The following HEATR5A variants were observed in gnomAD, a reference collection of about 807,000 sequenced individuals.
The protein encoded by HEATR5A is HEAT repeat containing 5A, also known as HEAT repeat-containing protein 5A.
In HEATR5A, 178 loss-of-function variants were observed where a neutral mutation model predicts 218.8. The ratio of observed to expected loss-of-function variants is 0.81; its 90% CI spans 0.72 to 0.92. HEATR5A has a LOEUF of 0.92. HEATR5A is among the 40% of genes least tolerant of loss of function. HEATR5A has a pLI of 0.00. For missense variants in HEATR5A, 2,420 were observed against 2,418.9 expected, an observed-to-expected ratio of 1.00 and a Z score of -0.01; for synonymous variants, 864 against 871.6, an observed-to-expected ratio of 0.99 and a Z score of 0.15.
chr14:31,339,449 CAAAAAAAAAAAA>C (rs55998911), intron 21 of HEATR5A, among the ~76,000 whole-genome samples: 1 of 67,430 alleles, frequency 1.5e-5, no homozygotes, highest in Admixed American at 2.2e-4. Context: ...AACTGTGTCT[CAAAAAAAAAAAA>C]AAAAAAAAAA....
At chr14:31,306,131 A>G (rs1279048225) in intron 31 of HEATR5A, among the ~76,000 whole-genome samples, 1 of 152,168 alleles carries the variant, frequency 6.6e-6, no homozygotes, top group African/African-American at 2.4e-5. Flanking sequence ...GAGAATAGTA[A>G]TTTAACTACT....
rs1378201321 is a variant in HEATR5A at position 31,387,374 on chromosome 14, G to A, written c.935C>T (p.Ala312Val). The A allele has an allele frequency of 1.9e-6, 3 of 1,604,858 alleles. No homozygotes were observed. The highest frequency in any genetic ancestry group is 2.2e-5 in the South Asian group (2 of 90,350). ...TAGTGTTGAAACAAATACCACATAA[G>A]CCTAAAAAGGAAAAGAGTTTTATTT... ...SRDVRVGVTQ[A>V]YVVFVSTLGG... Residue 312 changes from alanine to valine, a missense_variant and splice_region_variant, in exon 8 of 36, where the codon GCT becomes GTT. Coordinates refer to ENST00000543095, the MANE Select transcript of HEATR5A (RefSeq NM_015473.4).
chr14:31,350,643 T>G lies in HEATR5A; in HGVS notation c.2486A>C (p.His829Pro). ...KGARQQVVQL[H>P]VVSSVSSFLK... ...GAAACTAGAAACTGAAGAAACAACA[T>G]GTAACTGAACCACTTGCTGACGAGC... is the stretch of plus-strand genomic sequence containing the variant. Residue 829 changes from histidine to proline, a missense_variant, in exon 17 of 36, where the codon CAT (histidine) becomes CCT (proline). Transcript: ENST00000543095. The G allele has an allele frequency of 6.3e-7, 1 of 1,598,878 alleles. No individual in the cohort carries two copies. Among genetic ancestry groups the G allele is most frequent in the Non-Finnish European group, 8.5e-7 (1 of 1,170,370 alleles).
chr14:31,380,487 A>G lies in HEATR5A; in HGVS notation c.1688T>C (p.Ile563Thr). Residue 563 changes from isoleucine (I) to threonine (T), a missense_variant, in exon 11 of 36, where the codon ATT becomes ACT. Coordinates refer to ENST00000543095, the MANE Select transcript of HEATR5A (RefSeq NM_015473.4). Reference protein sequence around the residue: ...AQRTQAGWLLISALMTLGPAV... With the variant: ...AQRTQAGWLLTSALMTLGPAV... ...GTTACCTAATGTCATCAGAGCAGAAATCAGCAACCATCCAGCTTGTGTGCG... is the reference window on the plus strand; with the variant it reads ...GTTACCTAATGTCATCAGAGCAGAAGTCAGCAACCATCCAGCTTGTGTGCG... The G allele has an allele frequency of 6.2e-7, 1 of 1,607,016 alleles. No individual in the cohort carries two copies. Among genetic ancestry groups the G allele is most frequent in the Non-Finnish European group, 8.5e-7 (1 of 1,176,524 alleles).
At chr14:31,352,718 G>T (rs1901275682) in intron 16 of HEATR5A, among the ~76,000 whole-genome samples, 1 of 152,130 alleles carries the variant, frequency 6.6e-6, no homozygotes, top group Admixed American at 6.5e-5. Context: ...AGCACTTTAG[G>T]AAGCCAAGGT....
chr14:31,324,145 A>G (rs1350127017), intron 23 of HEATR5A, among the ~76,000 whole-genome samples: 1 of 152,218 alleles, frequency 6.6e-6, no homozygotes, highest in East Asian at 1.9e-4. Context: ...CTGCAAGTAG[A>G]TGGATGTACT....
At chr14:31,325,687 A>AT (rs957326158) in intron 23 of HEATR5A, among the ~76,000 whole-genome samples, 152 of 151,214 alleles carry the variant, frequency 1.0e-3, no homozygotes, top group Middle Eastern at 3.4e-3. Context: ...TAAAAAAAAA[A>AT]TTTTTTTTTG....
chr14:31,322,732 T>A (rs1177393807), intron 24 of HEATR5A, among the ~76,000 whole-genome samples: 1 of 151,622 alleles, frequency 6.6e-6, no homozygotes, highest in African/African-American at 2.4e-5. Flanking sequence ...GGTGGGAGGA[T>A]TGCTTGAGCC....
At position 31,394,054 on chromosome 14, in the gene HEATR5A, G is replaced by A; in HGVS notation, c.770C>T (p.Thr257Ile). The A allele has an allele frequency of 6.6e-7, 1 of 1,510,902 alleles. No homozygotes were observed. Among genetic ancestry groups the A allele is most frequent in the Non-Finnish European group, 8.8e-7 (1 of 1,131,790 alleles). 93.6% of individuals were successfully genotyped at this position (1,510,902 alleles called of 1,614,324 possible). The change falls in exon 6 of 36, where the codon ACA (threonine) becomes ATA (isoleucine). Residue 257 changes from threonine (T) to isoleucine (I), a missense_variant and splice_region_variant. Physicochemically the swap from Thr to Ile is moderately conservative, Grantham distance 89. Coordinates refer to ENST00000543095, the MANE Select transcript of HEATR5A (RefSeq NM_015473.4). ...AKAVISKHPGTAASRQSIRRV... is the reference protein window; with the variant it reads ...AKAVISKHPGIAASRQSIRRV... ...TGAAAATAATTACATGTATTTACCT[G>A]TTCCTGGATGTTTAGAAATTACAGC...
rs1472263943 is a variant in HEATR5A, at chr14:31,347,822, A to C, written c.2794T>G (p.Ser932Ala). 1 of 1,607,550 alleles carries C rather than the reference A, an allele frequency of 6.2e-7. No individual in the cohort carries two copies. Among genetic ancestry groups the C allele is most frequent in the African/African-American group, 1.3e-5 (1 of 74,828 alleles). Reference sequence around the variant, plus strand: ...ATACAAGAATTTAGGTGTTGAGAAGAACTTATTCCTCCTAAATACCTATGT... The same window carrying C: ...ATACAAGAATTTAGGTGTTGAGAAGCACTTATTCCTCCTAAATACCTATGT... The part of the protein sequence containing the change: ...SLHRYLGGIS[S>A]SQHLNSCIGI... Residue 932 changes from serine (S) to alanine (A), a missense_variant, in exon 19 of 36, where the codon TCT becomes GCT. Coordinates refer to ENST00000543095, the MANE Select transcript of HEATR5A (RefSeq NM_015473.4).
intron 30 of HEATR5A, 71 bp from the exon 31 acceptor site, chr14:31,306,950 T>G (rs964420526): frequency 8.1e-7 from 1 of 1,240,620 alleles, no homozygotes; most frequent in African/African-American, 1.5e-5. Context: ...ATACCAATGC[T>G]AAATGCCATG....
chr14:31,337,626 CATTTGAGGAACG>C lies in HEATR5A; in HGVS notation c.3229-24_3229-13del, dbSNP rs1900710371. 1.9e-5 allele frequency: 31 copies of C among 1,594,992 alleles called. No homozygotes were observed. Among genetic ancestry groups the C allele is most frequent in the Non-Finnish European group, 2.5e-5 (29 of 1,169,810 alleles). ...CTACAAAGATTCACCTGAAAAATAC[CATTTGAGGAACG>C]ACAGAGCTAAAATTCTTGTTGGCAC... is the stretch of plus-strand genomic sequence containing the variant. On this transcript the variant is annotated splice_polypyrimidine_tract_variant and intron_variant, in intron 21 of 35. Coordinates refer to ENST00000543095, the MANE Select transcript of HEATR5A (RefSeq NM_015473.4).
intron 17 of HEATR5A, 137 bp downstream of exon 17, chr14:31,350,475 G>A (rs1901181764): frequency 3.3e-6 from 2 of 608,520 alleles, no homozygotes; most frequent in African/African-American, 1.9e-5. Flanking sequence ...TCCAAATCCT[G>A]AAAACTTTTC....
chr14:31,366,127 G>C (rs536635088), intron 13 of HEATR5A, among the ~76,000 whole-genome samples: 1 of 152,252 alleles, frequency 6.6e-6, no homozygotes, highest in South Asian at 2.1e-4. Flanking sequence ...ACCTGGGTAA[G>C]GCCAGGCATG....
At chr14:31,402,595 T>C (rs199805804) in intron 2 of HEATR5A, among the ~76,000 whole-genome samples, 1 of 152,212 alleles carries the variant, frequency 6.6e-6, no homozygotes, top group East Asian at 1.9e-4. Context: ...TAGTTGTAGT[T>C]GGTGTTTCAT....
Position 31,371,092 on chromosome 14 carries a change from A to ACATTCATTCATT in HEATR5A, c.1961+706_1961+717dup, listed in dbSNP as rs373966140. Among the ~76,000 whole-genome samples the ACATTCATTCATT allele has an allele frequency of 3.0e-4, 45 of 152,290 alleles. No individual in the cohort carries two copies. The East Asian group carries it at 7.5e-3, about 25-fold the overall frequency. On this transcript the variant is annotated intron_variant, in intron 13 of 35. Transcript: ENST00000543095. ...AATAAAGTTATATTGGAACACAGCC[A>ACATTCATTCATT]CATTCATTCATTCATTCATTCATTC...
At position 31,308,605 on chromosome 14, in the gene HEATR5A, C is replaced by T. The variant is rs540040517; in HGVS notation, c.4690+329G>A. On this transcript the variant is annotated intron_variant, in intron 29 of 35. Coordinates refer to ENST00000543095, the MANE Select transcript of HEATR5A (RefSeq NM_015473.4). ...TGCAAAAATTACAATAAAATTGCACCGGAAAACATATGGAGTTTCATAACT... is the reference window on the plus strand; with the variant it reads ...TGCAAAAATTACAATAAAATTGCACTGGAAAACATATGGAGTTTCATAACT... Among the ~76,000 whole-genome samples the T allele has an allele frequency of 7.9e-5, 12 of 151,586 alleles. No individual in the cohort carries two copies. In the South Asian group the frequency reaches 1.9e-3, roughly 24 times the overall value.
At chr14:31,318,344 G>T in intron 25 of HEATR5A, 52 bp from the exon 26 acceptor site, 2 of 1,334,592 alleles carry the variant, frequency 1.5e-6, no homozygotes, top group Non-Finnish European at 2.2e-6. Flanking sequence ...GACAGCACAA[G>T]TTCTCCCTCT....
At position 31,306,687 on chromosome 14, in the gene HEATR5A, GAAT is replaced by G. The variant is rs772092057; in HGVS notation, c.4966+42_4966+44del. On this transcript the variant is annotated intron_variant, in intron 31 of 35. Coordinates refer to ENST00000543095, the MANE Select transcript of HEATR5A (RefSeq NM_015473.4). ...ATACATTAAATAATACTTTACAAAA[GAAT>G]GATGCTATTTGATCAACTCGGCATT... 3.6e-5 allele frequency: 56 copies of G among 1,548,394 alleles called. No homozygotes were observed. In the Admixed American group the frequency reaches 3.8e-4, roughly 11 times the overall value.
Sources: gnomAD v4.1 joint callset for allele counts (sites outside exome capture counted in the v4.1 genomes callset) on GRCh38, gnomAD v4.1.1 for gene constraint, MANE v1.5 for transcripts, NCBI Gene and HGNC (gene_info 2026-07-23, HGNC 2026-07-21) for gene names.